Variants in TSC1 observed in about 807,000 individuals in gnomAD.
The protein encoded by TSC1 is TSC complex subunit 1.
A neutral mutation model predicts 124.3 loss-of-function variants in TSC1; 20 were observed. The ratio of observed to expected loss-of-function variants is 0.16; its 90% confidence interval spans 0.11 to 0.23. The LOEUF is 0.23. Ranked by LOEUF, TSC1 falls within the 10% of genes least tolerant of loss-of-function variation. The pLI is 1.00. For missense variants in TSC1, 1,124 were observed against 1,448.5 expected, an observed-to-expected ratio of 0.78 and a Z score of 3.64; for synonymous variants, 493 against 539.1, an observed-to-expected ratio of 0.91 and a Z score of 1.19.
chr9:132,893,159 T>C lies in TSC1; in HGVS notation c.*3076A>G, dbSNP rs1844857841. The C allele has an allele frequency of 1.3e-5, 3 of 233,168 alleles. No homozygotes were observed. Among genetic ancestry groups the C allele is most frequent in the Non-Finnish European group, 1.7e-5 (2 of 118,070 alleles). The allele number at this position is 233,168 out of a possible 1,614,324, so 14.4% of individuals were successfully genotyped here. A position where few individuals can be genotyped will look rare whatever the true frequency, so the allele number is the denominator to read the frequency against. ...CCACTCTTCAAGCTTAGTAAGAAGA[T>C]TCCGCAGCTTAGTCCCAAAGGTCAG... On this transcript the variant is annotated 3_prime_UTR_variant, in exon 23 of 23. Transcript: ENST00000298552.
At chr9:132,905,123 A>C (rs1845585957) in intron 15 of TSC1, among the ~76,000 whole-genome samples, 1 of 152,190 alleles carries the variant, frequency 6.6e-6, no homozygotes, top group Non-Finnish European at 1.5e-5. Context: ...AGGCCATCTG[A>C]ACTTGCATAA....
rs1340250552 is a variant in TSC1 at position 132,907,844 on chromosome 9, T to C, written c.1264-474A>G. Among the ~76,000 whole-genome samples, 4 of 152,060 alleles carry C rather than the reference T, an allele frequency of 2.6e-5. No homozygotes were observed. The East Asian group carries it at 7.8e-4, about 29-fold the overall frequency. ...GCCCACGCCTGTAGTCCCAGCACTT[T>C]GGGAGGCCAAGGCCAGTGGATCCCT... On this transcript the variant is annotated intron_variant, in intron 12 of 22. Coordinates refer to ENST00000298552, the MANE Select transcript of TSC1 (RefSeq NM_000368.5).
intron 8 of TSC1, among the ~76,000 whole-genome samples, chr9:132,916,651 TG>T (rs1384504229): frequency 6.6e-6 from 1 of 152,032 alleles, no homozygotes; most frequent in Non-Finnish European, 1.5e-5. Context: ...CACTTTTTTG[TG>T]TGTCTATTGC....
chr9:132,901,719 C>A lies in TSC1; in HGVS notation c.2392-20G>T, dbSNP rs1181323344. On this transcript the variant is annotated intron_variant, in intron 18 of 22. Coordinates refer to ENST00000298552, the MANE Select transcript of TSC1 (RefSeq NM_000368.5). Reference sequence around the variant, plus strand: ...CTTCGTCTGCCCAAAGAGACGTGGACATGAAGTTTGAGGAACACCAACAGG... The same window carrying A: ...CTTCGTCTGCCCAAAGAGACGTGGAAATGAAGTTTGAGGAACACCAACAGG... 4.3e-6 allele frequency: 7 copies of A among 1,612,596 alleles called. No homozygotes were observed. The highest frequency in any genetic ancestry group is 5.1e-6 in the Non-Finnish European group (6 of 1,179,384).
rs781725846 is a variant in TSC1, at chr9:132,906,459, G to A, written c.1438+272C>T. 2.4e-4 allele frequency: 127 copies of A among 528,648 alleles called. No homozygotes were observed. Among genetic ancestry groups the A allele is most frequent in the Middle Eastern group, 5.2e-4 (1 of 1,928 alleles). 32.7% of individuals were successfully genotyped at this position (528,648 alleles called of 1,614,324 possible). ...AGCTACTCAGGAGGCTGAGGTGGGC[G>A]GATTGCTTGAGCCTGGGAGGTCAAG... On this transcript the variant is annotated intron_variant, in intron 14 of 22. Transcript: ENST00000298552. This position sits in a 1 kb window ranked among gnomAD's most constrained non-coding sequence, Gnocchi z 4.1.
At chr9:132,898,310 C>T (rs955027885) in intron 20 of TSC1, among the ~76,000 whole-genome samples, 8 of 152,364 alleles carry the variant, frequency 5.3e-5, no homozygotes, top group Admixed American at 3.9e-4. Flanking sequence ...AGAGCAAGTA[C>T]ACACTAATGC....
intron 3 of TSC1, among the ~76,000 whole-genome samples, 191 bp downstream of exon 3, chr9:132,928,576 C>G (rs898057970): frequency 4.6e-5 from 7 of 152,162 alleles, no homozygotes; most frequent in African/African-American, 1.7e-4. Flanking sequence ...CTGCATGATT[C>G]TTACTTCATG....
chr9:132,929,599 C>A (rs1435152686), intron 2 of TSC1, among the ~76,000 whole-genome samples: 1 of 152,202 alleles, frequency 6.6e-6, no homozygotes, highest in Non-Finnish European at 1.5e-5. Flanking sequence ...GGTAGTAGAG[C>A]AGCTGCTTTA....
intron 1 of TSC1, chr9:132,940,849 T>C (rs967851588): frequency 6.6e-6 from 1 of 152,258 alleles, no homozygotes; most frequent in Non-Finnish European, 1.5e-5. Context: ...GAAACATTGA[T>C]ACAACCATTG....
At position 132,892,856 on chromosome 9, in the gene TSC1, T is replaced by C. The variant is rs1465537641; in HGVS notation, c.*3379A>G. 8.6e-6 allele frequency: 2 copies of C among 233,202 alleles called. No individual in the cohort carries two copies. The highest frequency in any genetic ancestry group is 4.4e-5 in the African/African-American group (2 of 45,346). 14.4% of individuals were successfully genotyped at this position (233,202 alleles called of 1,614,324 possible). ...GGTCTCAGAGATCCTTTCATCCCCA[T>C]GACCATTTTATACATCCTCCCCTCA... On this transcript the variant is annotated 3_prime_UTR_variant, in exon 23 of 23. Coordinates refer to ENST00000298552, the MANE Select transcript of TSC1 (RefSeq NM_000368.5).
chr9:132,934,992 C>T, intron 2 of TSC1, 41 bp downstream of exon 2: 1 of 399,032 alleles, frequency 2.5e-6, no homozygotes, highest in African/African-American at 2.1e-5. Flanking sequence ...AAGATAATTC[C>T]CTCCCATCTT....
chr9:132,893,780 T>C lies in TSC1; in HGVS notation c.*2455A>G. ...AGGTAGACTCTGCCCTTAACGCTTA[T>C]TGTACTAATACCTTTGCCCAGGACT... On this transcript the variant is annotated 3_prime_UTR_variant, in exon 23 of 23. Transcript: ENST00000298552. The C allele has an allele frequency of 4.3e-6, 1 of 233,314 alleles. No individual in the cohort carries two copies. 14.5% of individuals were successfully genotyped at this position (233,314 alleles called of 1,614,324 possible). A position where few individuals can be genotyped will look rare whatever the true frequency, so the allele number is the denominator to read the frequency against.
In TSC1 at chr9:132,895,902, G is replaced by T. The variant is rs886063618; in HGVS notation, c.*333C>A. ...GTGTTAGACTCAAAGATTAAATTTG[G>T]CCTCATATTGCACAGGTTCAAAGGA... On this transcript the variant is annotated 3_prime_UTR_variant, in exon 23 of 23. Transcript: ENST00000298552. The T allele has an allele frequency of 7.5e-6, 3 of 400,898 alleles. No individual in the cohort carries two copies. The Admixed American group carries it at 1.2e-4, about 16-fold the overall frequency. The allele number at this position is 400,898 out of a possible 1,614,324, so 24.8% of individuals were successfully genotyped here.
At chr9:132,910,729 C>T (rs2131949877) in intron 11 of TSC1, 37 bp from the exon 12 acceptor site, 1 of 1,612,158 alleles carries the variant, frequency 6.2e-7, no homozygotes, top group Non-Finnish European at 8.5e-7. Flanking sequence ...GAACACTGAG[C>T]CCAACTATTA....
At chr9:132,900,629 G>A in intron 20 of TSC1, 86 bp downstream of exon 20, 1 of 1,601,440 alleles carries the variant, frequency 6.2e-7, no homozygotes, top group Non-Finnish European at 8.5e-7. Context: ...AAGTCATCAA[G>A]CCATTCTCTA....
intron 3 of TSC1, among the ~76,000 whole-genome samples, chr9:132,927,922 C>A (rs57966848): frequency 1.5e-3 from 223 of 152,294 alleles, no homozygotes; most frequent in African/African-American, 4.1e-3. Context: ...GTGCTCCTCA[C>A]CACCTGCCTC....
chr9:132,932,959 T>C (rs1357894642), intron 2 of TSC1, among the ~76,000 whole-genome samples: 3 of 152,254 alleles, frequency 2.0e-5, no homozygotes, highest in Non-Finnish European at 4.4e-5. Context: ...TTTGATCCAA[T>C]GATACTTATG....
At chr9:132,942,073 T>C (rs995363235) in intron 1 of TSC1, 5 of 152,210 alleles carry the variant, frequency 3.3e-5, no homozygotes, top group Admixed American at 2.0e-4. Context: ...ACTATGGCCC[T>C]GGAACCCAGA....
At chr9:132,932,665 C>G (rs938930056) in intron 2 of TSC1, among the ~76,000 whole-genome samples, 2 of 152,192 alleles carry the variant, frequency 1.3e-5, no homozygotes, top group East Asian at 1.9e-4. Context: ...TCCCAACCCC[C>G]CTCTGCCTCT....
Sources: gnomAD v4.1 joint callset for allele counts (sites outside exome capture counted in the v4.1 genomes callset) on GRCh38, gnomAD v4.1.1 for gene constraint, Gnocchi (gnomAD v3.1) non-coding constraint, MANE v1.5 for transcripts, NCBI Gene and HGNC (gene_info 2026-07-23, HGNC 2026-07-21) for gene names.